The following GRIK3 variants were observed in gnomAD, a reference collection of about 807,000 sequenced individuals.
GRIK3 encodes glutamate receptor ionotropic, kainate 3.
Under a neutral mutation model 102.5 loss-of-function variants are expected in GRIK3, and 29 were observed. The ratio of observed to expected loss-of-function variants is 0.28; its 90% CI spans 0.21 to 0.39. The LOEUF is 0.39. Among genes scored for constraint, GRIK3 ranks in the 10% least tolerant of loss-of-function variants. GRIK3 has a pLI of 1.00. For synonymous variants in GRIK3, 511 were observed against 504.9 expected (o/e 1.01, Z -0.16); for missense variants, 908 against 1,252.4 (o/e 0.73, Z 4.15).
Position 36,880,995 on chromosome 1 carries a change from A to G in GRIK3, c.293-104T>C. Reference sequence around the variant, plus strand: ...AACATGTGGGAAAAACAGCAACTGGAACCCTCGGTGGGTGCACAATGGATG... The same window carrying G: ...AACATGTGGGAAAAACAGCAACTGGGACCCTCGGTGGGTGCACAATGGATG... On this transcript the variant is annotated intron_variant, in intron 2 of 15. Coordinates refer to ENST00000373091, the MANE Select transcript of GRIK3 (RefSeq NM_000831.4). This position sits in a 1 kb window ranked among gnomAD's most constrained non-coding sequence, Gnocchi z 5.4. 1 of 1,260,120 alleles carries G rather than the reference A, an allele frequency of 7.9e-7. No individual in the cohort carries two copies. The highest frequency in any genetic ancestry group is 1.1e-6 in the Non-Finnish European group (1 of 914,814). The allele number at this position is 1,260,120 out of a possible 1,614,324, so 78.1% of individuals were successfully genotyped here.
At chr1:36,971,069 C>A (rs1320238030) in intron 1 of GRIK3, among the ~76,000 whole-genome samples, 1 of 152,196 alleles carries the variant, frequency 6.6e-6, no homozygotes, top group Admixed American at 6.5e-5. Context: ...ATTGGCTGAC[C>A]ACTTGCCTCT....
At position 36,819,304 on chromosome 1, in the gene GRIK3, C is replaced by T. The variant is rs1327214833; in HGVS notation, c.1873+432G>A. ...CCCAGGGCCACCACGAGGTTCAGGTCTCATCACCTCATTCCTGCAGTGGCC... is the reference window on the plus strand; with the variant it reads ...CCCAGGGCCACCACGAGGTTCAGGTTTCATCACCTCATTCCTGCAGTGGCC... On this transcript the variant is annotated intron_variant, in intron 12 of 15. Coordinates refer to ENST00000373091, the MANE Select transcript of GRIK3 (RefSeq NM_000831.4). This position sits in a 1 kb window ranked among gnomAD's most constrained non-coding sequence, Gnocchi z 4.1. Among the ~76,000 whole-genome samples, 2 of 152,194 alleles carry T rather than the reference C, an allele frequency of 1.3e-5. No homozygotes were observed. The highest frequency in any genetic ancestry group is 2.9e-5 in the Non-Finnish European group (2 of 68,042).
chr1:36,818,366 A>T (rs1642653869), intron 12 of GRIK3, among the ~76,000 whole-genome samples: 1 of 152,222 alleles, frequency 6.6e-6, no homozygotes, highest in Non-Finnish European at 1.5e-5. Flanking sequence ...TAGCAAGGAC[A>T]GATTGAGGCA....
chr1:36,879,543 C>A (rs926292942), intron 3 of GRIK3, among the ~76,000 whole-genome samples: 1 of 152,116 alleles, frequency 6.6e-6, no homozygotes, highest in Non-Finnish European at 1.5e-5. Flanking sequence ...AAAGGAAAAG[C>A]CAGAGTGCGT....
At chr1:36,834,239 T>G (rs929692456) in intron 10 of GRIK3, among the ~76,000 whole-genome samples, 1 of 152,086 alleles carries the variant, frequency 6.6e-6, no homozygotes, top group African/African-American at 2.4e-5. Context: ...AATGAATAAA[T>G]CAGTCACTGG....
At chr1:37,012,742 G>A (rs938386596) in intron 1 of GRIK3, among the ~76,000 whole-genome samples, 3 of 152,146 alleles carry the variant, frequency 2.0e-5, no homozygotes, top group Admixed American at 1.3e-4. Context: ...CTTTCCTAAC[G>A]CAGCTTTTAC....
intron 1 of GRIK3, among the ~76,000 whole-genome samples, chr1:37,030,535 ACC>A (rs1312336665): frequency 7.7e-4 from 54 of 69,912 alleles, no homozygotes; most frequent in Non-Finnish European, 3.2e-4. Context: ...CCTTTTCCCC[ACC>A]CCCCACCCCC....
intron 15 of GRIK3, among the ~76,000 whole-genome samples, chr1:36,802,712 G>T (rs1642455417): frequency 6.6e-6 from 1 of 152,174 alleles, no homozygotes. Context: ...GCTTCCAGAG[G>T]TTGTCCTGCA....
chr1:36,872,217 G>T lies in GRIK3; in HGVS notation c.703C>A (p.His235Asn). 2 of 1,608,152 alleles carry T rather than the reference G, an allele frequency of 1.2e-6. No homozygotes were observed. Among genetic ancestry groups the T allele is most frequent in the Non-Finnish European group, 1.7e-6 (2 of 1,176,586 alleles). ...REFRIIFDCS[H>N]TMAAQILKQA... Reference sequence around the variant, plus strand: ...TTGAGGATCTGGGCCGCCATAGTGTGGCTGCAGTCGAAGATAATGCGGAAT... The same window carrying T: ...TTGAGGATCTGGGCCGCCATAGTGTTGCTGCAGTCGAAGATAATGCGGAAT... The change falls in exon 4 of 16, where the codon CAC (histidine) becomes AAC (asparagine). Residue 235 changes from histidine to asparagine, a missense_variant. Physicochemically the swap from His to Asn is moderately conservative, Grantham distance 68. This residue lies in a region of GRIK3 where 585 missense variants were observed against 824.9 expected (regional missense o/e 0.71). Coordinates refer to ENST00000373091, the MANE Select transcript of GRIK3 (RefSeq NM_000831.4). This position sits in a 1 kb window ranked among gnomAD's most constrained non-coding sequence, Gnocchi z 5.9.
At chr1:37,033,889 G>T in intron 1 of GRIK3, 105 bp downstream of exon 1, 1 of 599,600 alleles carries the variant, frequency 1.7e-6, no homozygotes. Flanking sequence ...CGGCTCAGCA[G>T]CTCGGAGAGA....
intron 1 of GRIK3, among the ~76,000 whole-genome samples, chr1:36,986,063 C>T (rs1642301015): frequency 6.6e-6 from 1 of 152,088 alleles, no homozygotes; most frequent in African/African-American, 2.4e-5. Flanking sequence ...CCTCACCCAG[C>T]CCAAGAAGAA....
At position 36,841,719 on chromosome 1, in the gene GRIK3, C is replaced by A. The variant is rs1173820501; in HGVS notation, c.1530+17G>T. On this transcript the variant is annotated intron_variant, in intron 10 of 15. Transcript: ENST00000373091. ...CCCCAGGGTCCTGAGCCCTCCCATG[C>A]TCCCATCCATGCTTACGTGGTCGAT... 3 of 1,605,176 alleles carry A rather than the reference C, an allele frequency of 1.9e-6. No individual in the cohort carries two copies. Among genetic ancestry groups the A allele is most frequent in the East Asian group, 4.5e-5 (2 of 44,842 alleles).
At chr1:36,968,365 G>T (rs188210721) in intron 1 of GRIK3, among the ~76,000 whole-genome samples, 7 of 151,712 alleles carry the variant, frequency 4.6e-5, no homozygotes, top group Non-Finnish European at 8.8e-5. Flanking sequence ...CCACTACCCC[G>T]CAGGGCAGGA....
chr1:36,868,974 A>T (rs1253011052), intron 5 of GRIK3, among the ~76,000 whole-genome samples: 1 of 152,198 alleles, frequency 6.6e-6, no homozygotes, highest in Non-Finnish European at 1.5e-5. Context: ...TTGAAAAGCG[A>T]CAGGATGGTC....
At position 36,987,979 on chromosome 1, in the gene GRIK3, G is replaced by A. The variant is rs140703165; in HGVS notation, c.115+46015C>T. Among the ~76,000 whole-genome samples the A allele has an allele frequency of 3.8e-3, 573 of 152,294 alleles. 6 individuals carry two copies. Among genetic ancestry groups the A allele is most frequent in the African/African-American group, 0.013 (547 of 41,550 alleles). On this transcript the variant is annotated intron_variant, in intron 1 of 15. Transcript: ENST00000373091. The stretch of plus-strand genomic sequence containing the variant: ...AGTCACCAGGTCAGAGGGGCCAAGA[G>A]CTTTCATGCAAACGAAAACCTGAGC...
At chr1:36,828,476 G>C (rs1642780105) in intron 10 of GRIK3, among the ~76,000 whole-genome samples, 1 of 152,224 alleles carries the variant, frequency 6.6e-6, no homozygotes, top group African/African-American at 2.4e-5. Flanking sequence ...ACAGTATTCA[G>C]TAGAGTAGCA....
chr1:36,915,553 C>A (rs774752473), intron 1 of GRIK3, among the ~76,000 whole-genome samples: 4 of 152,194 alleles, frequency 2.6e-5, no homozygotes, highest in Non-Finnish European at 4.4e-5. Context: ...GATGTGTCCC[C>A]ACCCAAATCT....
intron 1 of GRIK3, among the ~76,000 whole-genome samples, chr1:36,957,219 G>T (rs1641921095): frequency 6.6e-6 from 1 of 152,230 alleles, no homozygotes. Flanking sequence ...CACAGCAGGT[G>T]GGAGTGTGAT....
chr1:36,946,756 A>C (rs1259960462), intron 1 of GRIK3, among the ~76,000 whole-genome samples: 1 of 152,152 alleles, frequency 6.6e-6, no homozygotes, highest in Non-Finnish European at 1.5e-5. Flanking sequence ...TAACTCACCC[A>C]TCATGGTGCT....
Sources: allele counts gnomAD v4.1 joint callset (sites outside exome capture counted in the v4.1 genomes callset), GRCh38; gene constraint gnomAD v4.1.1; regional missense constraint gnomAD v4.1.1; non-coding constraint Gnocchi (gnomAD v3.1); transcripts MANE v1.5; gene names NCBI Gene and HGNC (gene_info 2026-07-23, HGNC 2026-07-21).